TTC1: variants seen among roughly 807,000 people sequenced by gnomAD.
The protein encoded by TTC1 is tetratricopeptide repeat protein 1.
In TTC1, 31 loss-of-function variants were observed where a neutral mutation model predicts 37.6. That is an observed-to-expected ratio of 0.82 (90% CI 0.62 to 1.11). TTC1 has a LOEUF of 1.11. Among genes scored for constraint, TTC1 ranks in the 50% most tolerant of loss-of-function variants. The pLI is 0.00. For missense variants in TTC1, 351 were observed against 339.0 expected (o/e 1.04, Z -0.28); for synonymous variants, 127 against 122.4 (o/e 1.04, Z -0.25).
At chr5:160,011,128 TTTTG>T (rs919696294) in intron 2 of TTC1, among the ~76,000 whole-genome samples, 3 of 152,228 alleles carry the variant, frequency 2.0e-5, no homozygotes, top group African/African-American at 7.2e-5. Flanking sequence ...GTAACAGTCT[TTTTG>T]TTTATTTTCA....
intron 4 of TTC1, 54 bp downstream of exon 4, chr5:160,036,857 C>A: frequency 7.8e-7 from 1 of 1,286,468 alleles, no homozygotes; most frequent in Non-Finnish European, 1.1e-6. Context: ...GCAGTCTTTT[C>A]ATACCATAGT....
intron 7 of TTC1, among the ~76,000 whole-genome samples, chr5:160,054,894 G>A (rs979504126): frequency 1.3e-5 from 2 of 152,146 alleles, no homozygotes; most frequent in African/African-American, 2.4e-5. Context: ...TAAAACTGAC[G>A]AGACACTTTC....
At chr5:160,025,316 C>T (rs6871862) in intron 2 of TTC1, among the ~76,000 whole-genome samples, 2,692 of 152,280 alleles carry the variant, frequency 0.018, 66 homozygotes, top group African/African-American at 0.054. Flanking sequence ...TATGAGCCAC[C>T]GCACCTGGCC....
chr5:160,059,268 T>G (rs1757632375), intron 7 of TTC1, among the ~76,000 whole-genome samples: 1 of 152,232 alleles, frequency 6.6e-6, no homozygotes, highest in East Asian at 1.9e-4. Context: ...CTGAATAACT[T>G]TTTGCAGCTT....
intron 7 of TTC1, among the ~76,000 whole-genome samples, chr5:160,062,456 G>A (rs148494300): frequency 1.2e-4 from 19 of 152,274 alleles, no homozygotes; most frequent in African/African-American, 4.1e-4. Flanking sequence ...AGCACCTCTG[G>A]GCACACCTCC....
In TTC1 at chr5:160,065,445, G is replaced by A. The variant is rs765476732; in HGVS notation, c.*380G>A. The A allele has an allele frequency of 1.5e-5, 7 of 462,554 alleles. No individual in the cohort carries two copies. The highest frequency in any genetic ancestry group is 9.4e-5 in the Admixed American group (4 of 42,686). The allele number at this position is 462,554 out of a possible 1,614,324, so 28.7% of individuals were successfully genotyped here. ...AGACTGCCCAGACATGATTGATGAC[G>A]GGTTCCCGCCTGCTGTCCCCTCCCT... On this transcript the variant is annotated 3_prime_UTR_variant, in exon 8 of 8. Transcript: ENST00000231238.
At chr5:160,063,019 A>G (rs1451042726) in intron 7 of TTC1, among the ~76,000 whole-genome samples, 1 of 152,198 alleles carries the variant, frequency 6.6e-6, no homozygotes, top group Admixed American at 6.5e-5. Flanking sequence ...TGACACAAGC[A>G]GCAGCACAGA....
chr5:160,010,645 G>A lies in TTC1; in HGVS notation c.117G>A (p.Gln39=), dbSNP rs1474521611. The change falls in exon 2 of 8, where the codon CAG becomes CAA. Residue 39 remains glutamine (Q), a synonymous_variant. Transcript: ENST00000231238. ...CTCCAGTTCCTGATCCCAAAAATCA[G>A]CATTCCCAGAGTAAGCTGCTCAGGG... ...AGPPVPDPKN[Q]HSQSKLLRDD... 1 of 1,614,056 alleles carries A rather than the reference G, an allele frequency of 6.2e-7. No individual in the cohort carries two copies. Among genetic ancestry groups the A allele is most frequent in the Non-Finnish European group, 8.5e-7 (1 of 1,179,974 alleles).
In TTC1 at chr5:160,065,211, C is replaced by A; in HGVS notation, c.*146C>A. The A allele has an allele frequency of 9.0e-7, 1 of 1,107,546 alleles. No individual in the cohort carries two copies. The allele number at this position is 1,107,546 out of a possible 1,614,324, so 68.6% of individuals were successfully genotyped here. On this transcript the variant is annotated 3_prime_UTR_variant, in exon 8 of 8. Transcript: ENST00000231238. ...AGTAGAGCCCAGTGCTCCCTTGTCC[C>A]TCTTTTATGATCAGGGTGAAATGTA...
chr5:160,031,367 T>A (rs537745238), intron 2 of TTC1, among the ~76,000 whole-genome samples: 1 of 152,064 alleles, frequency 6.6e-6, no homozygotes, highest in Non-Finnish European at 1.5e-5. Flanking sequence ...ATCCCAGAAC[T>A]TTGGGAGGCC....
chr5:160,060,980 C>G (rs1291648424), intron 7 of TTC1, among the ~76,000 whole-genome samples: 2 of 152,256 alleles, frequency 1.3e-5, no homozygotes, highest in Non-Finnish European at 2.9e-5. Flanking sequence ...CCCCCAGGGT[C>G]TCCCCTTCTG....
chr5:160,061,986 C>G (rs1456886351), intron 7 of TTC1: 5 of 152,320 alleles, frequency 3.3e-5, no homozygotes, highest in African/African-American at 1.2e-4. Context: ...AGTGCTGCCC[C>G]TCAGACGAGT....
intron 1 of TTC1, among the ~76,000 whole-genome samples, chr5:160,010,257 C>CAA (rs397882520): frequency 0.019 from 927 of 47,888 alleles, 13 homozygotes; most frequent in African/African-American, 0.045. Context: ...GATTAAGTCT[C>CAA]AAAAAAAAAA....
At position 160,037,163 on chromosome 5, in the gene TTC1, G is replaced by T. The variant is rs544567640; in HGVS notation, c.504+360G>T. Among the ~76,000 whole-genome samples, 38 of 152,236 alleles carry T rather than the reference G, an allele frequency of 2.5e-4. 1 individual carries two copies. The South Asian group carries it at 7.9e-3, about 32-fold the overall frequency. On this transcript the variant is annotated intron_variant, in intron 4 of 7. Coordinates refer to ENST00000231238, the MANE Select transcript of TTC1 (RefSeq NM_003314.3). ...CTAGATAAACATGCAAAGGCACAGGGAAACACTGGTAAAAACTCTGGGCTT... is the reference window on the plus strand; with the variant it reads ...CTAGATAAACATGCAAAGGCACAGGTAAACACTGGTAAAAACTCTGGGCTT...
At chr5:160,029,748 T>C (rs532145610) in intron 2 of TTC1, among the ~76,000 whole-genome samples, 8 of 152,206 alleles carry the variant, frequency 5.3e-5, no homozygotes, top group Non-Finnish European at 1.2e-4. Flanking sequence ...TACAGAATAC[T>C]ACACCTGGAA....
Position 160,054,408 on chromosome 5 carries a change from G to A in TTC1, c.745+3225G>A, listed in dbSNP as rs148882952. ...GTGGGAGGATTGCTTGAGCCCAGCA[G>A]TTCGAGACCAGCCTGGGCAACATGG... On this transcript the variant is annotated intron_variant, in intron 7 of 7. Transcript: ENST00000231238. Among the ~76,000 whole-genome samples the A allele has an allele frequency of 3.3e-3, 508 of 152,310 alleles. 3 individuals are homozygous for A. The highest frequency in any genetic ancestry group is 0.012 in the African/African-American group (478 of 41,554).
chr5:160,033,647 AG>A (rs1248913843), intron 2 of TTC1, among the ~76,000 whole-genome samples: 1 of 152,218 alleles, frequency 6.6e-6, no homozygotes, highest in Non-Finnish European at 1.5e-5. Context: ...CGGAAAGTGA[AG>A]AGAAAGCTGA....
At chr5:160,049,732 A>C in intron 6 of TTC1, 70 bp downstream of exon 6, 1 of 1,242,306 alleles carries the variant, frequency 8.0e-7, no homozygotes, top group Non-Finnish European at 1.1e-6. Flanking sequence ...GTCCTAAATA[A>C]TCCTTTCAGA....
At chr5:160,024,783 T>C (rs1435682914) in intron 2 of TTC1, among the ~76,000 whole-genome samples, 1 of 151,944 alleles carries the variant, frequency 6.6e-6, no homozygotes, top group African/African-American at 2.4e-5. Flanking sequence ...ACAGCCTAAG[T>C]CCTGTGGTCC....
Sources: allele counts gnomAD v4.1 joint callset (sites outside exome capture counted in the v4.1 genomes callset), GRCh38; gene constraint gnomAD v4.1.1; transcripts MANE v1.5; gene names NCBI Gene and HGNC (gene_info 2026-07-23, HGNC 2026-07-21).